The following GPR89A variants were observed in gnomAD, a reference collection of about 807,000 sequenced individuals.
GPR89A encodes G protein-coupled receptor 89A.
A neutral mutation model predicts 52.0 loss-of-function variants in GPR89A; 16 were observed. That is an observed-to-expected ratio of 0.31 (90% CI 0.21 to 0.47). GPR89A has a LOEUF of 0.47. Among genes scored for constraint, GPR89A ranks in the 20% least tolerant of loss-of-function variants. The pLI, the probability that GPR89A is intolerant of heterozygous loss-of-function variation, is 1.00. For synonymous variants in GPR89A, 55 were observed against 150.9 expected, an observed-to-expected ratio of 0.36 and a Z score of 4.66; for missense variants, 135 against 449.4, an observed-to-expected ratio of 0.30 and a Z score of 6.33.
chr1:145,614,656 T>TA (rs1258418064), intron 1 of GPR89A, among the ~76,000 whole-genome samples: 1 of 151,918 alleles, frequency 6.6e-6, no homozygotes, highest in Non-Finnish European at 1.5e-5. Context: ...TGTCAAAAAA[T>TA]ATTTAAATCA....
intron 3 of GPR89A, among the ~76,000 whole-genome samples, chr1:145,619,446 CA>C (rs1297291539): frequency 6.6e-6 from 1 of 151,122 alleles, no homozygotes; most frequent in East Asian, 2.0e-4. Flanking sequence ...CCTGTCTCTA[CA>C]AAAAAATAAA....
rs587776222 is a variant in GPR89A at position 145,610,374 on chromosome 1, C to T, written c.42+2199C>T. On this transcript the variant is annotated intron_variant, in intron 1 of 13. Coordinates refer to ENST00000313835, the MANE Select transcript of GPR89A (RefSeq NM_001097612.2). The stretch of plus-strand genomic sequence containing the variant: ...GTCCCTTATTGATGGGACCCTGGCT[C>T]TTCTCTCTTCAGCTGTGGCTCCAAT... Among the ~76,000 whole-genome samples the T allele has an allele frequency of 3.2e-4, 49 of 152,164 alleles. No homozygotes were observed. The East Asian group carries it at 9.1e-3, about 28-fold the overall frequency.
chr1:145,637,440 TAGCTGCTGC>T (rs1650324089), intron 7 of GPR89A, among the ~76,000 whole-genome samples: 1 of 151,710 alleles, frequency 6.6e-6, no homozygotes, highest in Admixed American at 6.6e-5. Context: ...GCAGAAACAT[TAGCTGCTGC>T]AGGTATGACA....
At chr1:145,661,864 T>G (rs1652225501) in intron 10 of GPR89A, among the ~76,000 whole-genome samples, 2 of 150,186 alleles carry the variant, frequency 1.3e-5, no homozygotes, top group South Asian at 4.3e-4. Context: ...TCAAAATGCT[T>G]TCGAGTTTCC....
intron 1 of GPR89A, chr1:145,611,460 T>C (rs1460732513): frequency 6.6e-6 from 1 of 152,150 alleles, no homozygotes; most frequent in Admixed American, 6.5e-5. Flanking sequence ...TTTCTGTTCT[T>C]GCATTAATTT....
At chr1:145,624,530 C>G (rs1441758270) in intron 5 of GPR89A, among the ~76,000 whole-genome samples, 24 of 150,686 alleles carry the variant, frequency 1.6e-4, no homozygotes, top group African/African-American at 5.7e-4. Context: ...ATATATATAC[C>G]TCTTTATTCA....
At chr1:145,622,998 A>G in intron 3 of GPR89A, 56 bp from the exon 4 acceptor site, 1 of 1,598,550 alleles carries the variant, frequency 6.3e-7, no homozygotes, top group Non-Finnish European at 8.5e-7. Context: ...GACTAAAGAG[A>G]AAGAAAGTTG....
chr1:145,659,239 C>G (rs1483589888), intron 10 of GPR89A, among the ~76,000 whole-genome samples: 2 of 151,998 alleles, frequency 1.3e-5, no homozygotes, highest in Non-Finnish European at 2.9e-5. Flanking sequence ...GGCTGGAGTG[C>G]AGTGGTGCAG....
chr1:145,657,254 G>A (rs1420857139), intron 10 of GPR89A, among the ~76,000 whole-genome samples: 4 of 148,516 alleles, frequency 2.7e-5, no homozygotes, highest in African/African-American at 1.0e-4. Context: ...TTAACTGAGT[G>A]TGGTGGCATG....
At chr1:145,615,634 C>CT (rs587751266) in intron 1 of GPR89A, among the ~76,000 whole-genome samples, 73,558 of 73,674 alleles carry the variant, frequency 1, 36,721 homozygotes, top group Middle Eastern at 1. Context: ...GACACCTTTT[C>CT]TTTTTTTTCG....
intron 9 of GPR89A, 122 bp from the exon 10 acceptor site, chr1:145,647,053 A>G (rs2101807745): frequency 6.8e-7 from 1 of 1,469,834 alleles, no homozygotes; most frequent in Non-Finnish European, 9.1e-7. Flanking sequence ...TTAGTTTAAT[A>G]TTATTACAAT....
At chr1:145,635,270 G>A (rs1327002030) in intron 7 of GPR89A, among the ~76,000 whole-genome samples, 1 of 152,176 alleles carries the variant, frequency 6.6e-6, no homozygotes, top group Non-Finnish European at 1.5e-5. Context: ...GCCGGGCGTG[G>A]TGGTGGGCGC....
chr1:145,616,727 C>T (rs1553687101), intron 2 of GPR89A, among the ~76,000 whole-genome samples: 1 of 151,938 alleles, frequency 6.6e-6, no homozygotes, highest in Non-Finnish European at 1.5e-5. Flanking sequence ...CCTTAAGTGT[C>T]GGCCGGTCTG....
chr1:145,655,610 C>T (rs1332221321), intron 10 of GPR89A, among the ~76,000 whole-genome samples: 1 of 152,196 alleles, frequency 6.6e-6, no homozygotes, highest in Non-Finnish European at 1.5e-5. Flanking sequence ...GCCTGGGTCC[C>T]TCTCGCACCT....
intron 1 of GPR89A, among the ~76,000 whole-genome samples, chr1:145,611,874 T>C (rs1648305519): frequency 6.6e-6 from 1 of 151,842 alleles, no homozygotes; most frequent in Admixed American, 6.6e-5. Context: ...TCCTAATCTG[T>C]TTGACCCTTT....
At chr1:145,649,980 A>AT (rs199745291) in intron 10 of GPR89A, among the ~76,000 whole-genome samples, 133,344 of 135,286 alleles carry the variant, frequency 0.99, 65,706 homozygotes, top group Middle Eastern at 1. Flanking sequence ...TCTTTTGCCA[A>AT]TTTTTTTTTA....
At chr1:145,655,818 G>T (rs1651772695) in intron 10 of GPR89A, among the ~76,000 whole-genome samples, 1 of 152,116 alleles carries the variant, frequency 6.6e-6, no homozygotes, top group Non-Finnish European at 1.5e-5. Context: ...TGGCAGAGCA[G>T]CTGTGCTGCA....
intron 7 of GPR89A, among the ~76,000 whole-genome samples, chr1:145,641,209 G>C (rs587675586): frequency 6.6e-6 from 1 of 151,004 alleles, no homozygotes; most frequent in South Asian, 2.1e-4. Context: ...AACTGTACTT[G>C]AATGTTTATG....
intron 7 of GPR89A, among the ~76,000 whole-genome samples, chr1:145,635,510 A>C (rs1178584267): frequency 1.3e-5 from 2 of 152,326 alleles, no homozygotes; most frequent in South Asian, 2.1e-4. Flanking sequence ...CACGTGTATA[A>C]TTTATTTTAT....
Sources: gnomAD v4.1 joint callset for allele counts (sites outside exome capture counted in the v4.1 genomes callset) on GRCh38, gnomAD v4.1.1 for gene constraint, MANE v1.5 for transcripts, NCBI Gene and HGNC (gene_info 2026-07-23, HGNC 2026-07-21) for gene names.